POLB: variants seen among roughly 807,000 people sequenced by gnomAD.
POLB encodes the protein DNA polymerase beta.
POLB carries 37 observed loss-of-function variants against 52.7 expected under a neutral mutation model. The observed-to-expected ratio is 0.70, with a 90% CI of 0.54 to 0.92. The LOEUF is 0.92. Ranked by LOEUF, POLB falls within the 40% of genes least tolerant of loss-of-function variation. The pLI, the probability that POLB is intolerant of heterozygous loss-of-function variation, is 0.00. For synonymous variants in POLB, 138 were observed against 131.3 expected (o/e 1.05, Z -0.35); for missense variants, 313 against 400.8 (o/e 0.78, Z 1.87).
At chr8:42,347,658 A>G (rs563701186) in intron 3 of POLB, among the ~76,000 whole-genome samples, 3 of 152,182 alleles carry the variant, frequency 2.0e-5, no homozygotes, top group East Asian at 1.9e-4. Flanking sequence ...TTGTAGCACT[A>G]TGTGTAAAGG....
intron 5 of POLB, 44 bp from the exon 6 acceptor site, chr8:42,352,475 C>G (rs1348417178): frequency 7.7e-7 from 1 of 1,300,318 alleles, no homozygotes; most frequent in African/African-American, 1.5e-5. Context: ...TTACAAGGAT[C>G]CCAAGTTTCA....
At chr8:42,362,859 T>C (rs2130842528) in intron 11 of POLB, among the ~76,000 whole-genome samples, 161 bp downstream of exon 11, 1 of 152,168 alleles carries the variant, frequency 6.6e-6, no homozygotes, top group Middle Eastern at 3.4e-3. Context: ...GCGCGGTGGC[T>C]CACGCCTGTG....
At chr8:42,370,258 GGTT>G in intron 13 of POLB, 1 of 378,648 alleles carries the variant, frequency 2.6e-6, no homozygotes, top group Admixed American at 4.2e-5. Context: ...CATCTAAAAG[GGTT>G]TTTTTTTTTT....
intron 6 of POLB, among the ~76,000 whole-genome samples, chr8:42,354,970 A>G (rs991865575): frequency 6.6e-6 from 1 of 152,218 alleles, no homozygotes; most frequent in Non-Finnish European, 1.5e-5. Flanking sequence ...TATGGTTACT[A>G]CTGTTGCTCT....
intron 2 of POLB, 108 bp downstream of exon 2, chr8:42,339,177 C>G: frequency 1.2e-6 from 1 of 857,564 alleles, no homozygotes; most frequent in South Asian, 1.4e-5. Context: ...TCTGCAAGAG[C>G]GGGAAAAAGC....
intron 3 of POLB, among the ~76,000 whole-genome samples, chr8:42,346,170 C>T (rs1471677920): frequency 1.3e-5 from 2 of 152,154 alleles, no homozygotes; most frequent in East Asian, 1.9e-4. Flanking sequence ...GATCCACTGC[C>T]TTGAGCCTCC....
chr8:42,342,153 C>T (rs186915926), intron 2 of POLB: 69 of 1,528,278 alleles, frequency 4.5e-5, no homozygotes, highest in East Asian at 6.7e-5. Context: ...CCATCCAGGT[C>T]ACCAAAAACT....
At chr8:42,362,210 A>G (rs568374402) in intron 10 of POLB, among the ~76,000 whole-genome samples, 14 of 152,186 alleles carry the variant, frequency 9.2e-5, no homozygotes, top group Admixed American at 9.2e-4. Context: ...CAGTGAGCCG[A>G]GATCGTGCCA....
chr8:42,352,530 C>T lies in POLB; in HGVS notation c.332C>T (p.Ala111Val). The change falls in exon 6 of 14, where the codon GCA becomes GTA. Residue 111 changes from alanine (A) to valine (V), a missense_variant. Ala to Val is a moderately conservative substitution (Grantham distance 64). Coordinates refer to ENST00000265421, the MANE Select transcript of POLB (RefSeq NM_002690.3). The part of the protein sequence containing the change: ...TRVSGIGPSA[A>V]RKFVDEGIKT... ...TTTTGTTTTTGTAGTCCATCTGCTGCAAGGAAGTTTGTAGATGAAGGAATT... is the reference window on the plus strand; with the variant it reads ...TTTTGTTTTTGTAGTCCATCTGCTGTAAGGAAGTTTGTAGATGAAGGAATT... The T allele has an allele frequency of 1.2e-6, 2 of 1,601,908 alleles. 1 individual carries two copies. Among genetic ancestry groups the T allele is most frequent in the South Asian group, 2.2e-5 (2 of 90,790 alleles).
At chr8:42,346,215 C>A (rs1016627066) in intron 3 of POLB, among the ~76,000 whole-genome samples, 1 of 152,022 alleles carries the variant, frequency 6.6e-6, no homozygotes, top group Non-Finnish European at 1.5e-5. Flanking sequence ...AGCCACTGCA[C>A]CCAGCCTGAG....
intron 9 of POLB, among the ~76,000 whole-genome samples, chr8:42,359,482 G>A (rs1242823396): frequency 6.6e-6 from 1 of 150,388 alleles, no homozygotes; most frequent in East Asian, 2.0e-4. Context: ...AGCCTCCAGA[G>A]TAGCTGGGAC....
intron 11 of POLB, among the ~76,000 whole-genome samples, chr8:42,365,713 G>A (rs1170242931): frequency 1.3e-5 from 2 of 152,122 alleles, no homozygotes; most frequent in East Asian, 1.9e-4. Context: ...GGCAGAAGCT[G>A]TTTTTTTATA....
In POLB at chr8:42,371,786, C is replaced by A; in HGVS notation, c.*129C>A. The A allele has an allele frequency of 1.6e-6, 1 of 631,000 alleles. No individual in the cohort carries two copies. Among genetic ancestry groups the A allele is most frequent in the Non-Finnish European group, 2.9e-6 (1 of 339,586 alleles). 39.1% of individuals were successfully genotyped at this position (631,000 alleles called of 1,614,324 possible). A position where few individuals can be genotyped will look rare whatever the true frequency, so the allele number is the denominator to read the frequency against. On this transcript the variant is annotated 3_prime_UTR_variant, in exon 14 of 14. Coordinates refer to ENST00000265421, the MANE Select transcript of POLB (RefSeq NM_002690.3). Reference sequence around the variant, plus strand: ...TTCATGCTTTTGCTTGCAATGTAGTCAATAAAACCTCATGTACTATTATTG... The same window carrying A: ...TTCATGCTTTTGCTTGCAATGTAGTAAATAAAACCTCATGTACTATTATTG...
chr8:42,358,212 T>A (rs188858455), intron 9 of POLB, among the ~76,000 whole-genome samples: 1 of 152,070 alleles, frequency 6.6e-6, no homozygotes, highest in Non-Finnish European at 1.5e-5. Context: ...CTTAAAAATA[T>A]TAACTTTTGG....
rs1167077625 is a variant in POLB, at chr8:42,361,380, A to G, written c.621+15A>G. The G allele has an allele frequency of 1.3e-6, 2 of 1,528,982 alleles. No individual in the cohort carries two copies. Among genetic ancestry groups the G allele is most frequent in the South Asian group, 1.1e-5 (1 of 89,428 alleles). The allele number at this position is 1,528,982 out of a possible 1,614,324, so 94.7% of individuals were successfully genotyped here. A position where few individuals can be genotyped will look rare whatever the true frequency, so the allele number is the denominator to read the frequency against. On this transcript the variant is annotated intron_variant, in intron 10 of 13. Transcript: ENST00000265421. ...CAACCAAACAGGTGCCTCAGAGTTTATAATCAATGGTGATCAGTCTTACAC... is the reference window on the plus strand; with the variant it reads ...CAACCAAACAGGTGCCTCAGAGTTTGTAATCAATGGTGATCAGTCTTACAC...
intron 11 of POLB, among the ~76,000 whole-genome samples, chr8:42,368,037 T>C (rs1200535036): frequency 6.6e-6 from 1 of 152,200 alleles, no homozygotes; most frequent in African/African-American, 2.4e-5. Flanking sequence ...ATCCACTCAA[T>C]CTAATACAGA....
At position 42,366,597 on chromosome 8, in the gene POLB, G is replaced by A. The variant is rs1286446645; in HGVS notation, c.709-2674G>A. On this transcript the variant is annotated intron_variant, in intron 11 of 13. Transcript: ENST00000265421. ...TTTTGACATTTGTAATCATTGTTAG[G>A]AAGAGAAGCACTCGAGGTCAACTTT... Among the ~76,000 whole-genome samples, 4 of 152,160 alleles carry A rather than the reference G, an allele frequency of 2.6e-5. No individual in the cohort carries two copies. In the East Asian group the frequency reaches 5.8e-4, roughly 22 times the overall value.
chr8:42,349,909 C>T (rs548995308), intron 4 of POLB, 98 bp from the exon 5 acceptor site: 164 of 813,078 alleles, frequency 2.0e-4, no homozygotes, highest in Middle Eastern at 1.2e-3. Context: ...ATGTAAATAG[C>T]TCTTCATGTC....
intron 4 of POLB, 52 bp downstream of exon 4, chr8:42,349,142 C>A: frequency 1.0e-6 from 1 of 996,940 alleles, no homozygotes; most frequent in Non-Finnish European, 1.6e-6. Context: ...CCTTTATGGC[C>A]ACTATGTAGC....
Sources: allele counts gnomAD v4.1 joint callset (sites outside exome capture counted in the v4.1 genomes callset), GRCh38; gene constraint gnomAD v4.1.1; transcripts MANE v1.5; gene names NCBI Gene and HGNC (gene_info 2026-07-23, HGNC 2026-07-21).